The following FAS variants were observed in gnomAD, a reference collection of about 807,000 sequenced individuals.
FAS encodes the protein Fas cell surface death receptor.
A neutral mutation model predicts 33.2 loss-of-function variants in FAS; 5 were observed. The observed-to-expected ratio is 0.15, with a 90% CI of 0.08 to 0.32. The LOEUF (loss-of-function observed/expected upper bound fraction) is 0.32, where lower values mean the gene tolerates loss of function less well. Ranked by LOEUF, FAS falls within the 10% of genes least tolerant of loss-of-function variation. FAS has a pLI of 1.00. For missense variants in FAS, 339 were observed against 386.0 expected (o/e 0.88, Z 1.02); for synonymous variants, 131 against 130.7 (o/e 1.00, Z -0.01).
chr10:89,000,155 C>T (rs1252775689), intron 1 of FAS, among the ~76,000 whole-genome samples: 3 of 151,952 alleles, frequency 2.0e-5, no homozygotes, highest in South Asian at 2.1e-4. Flanking sequence ...AAAATATATC[C>T]GATGAAACAG....
intron 2 of FAS, among the ~76,000 whole-genome samples, chr10:88,976,041 T>A (rs1846554856): frequency 1.3e-5 from 2 of 152,190 alleles, no homozygotes; most frequent in Admixed American, 1.3e-4. Context: ...CCCATCCCGA[T>A]TAGGACCCAA....
upstream of FAS, among the ~76,000 whole-genome samples, chr10:88,989,021 C>T (rs146658156): frequency 6.6e-6 from 1 of 152,128 alleles, no homozygotes; most frequent in Admixed American, 6.5e-5. Context: ...AGAGCAGGAC[C>T]TTGGGAGCAA....
chr10:88,988,416 G>GTTTTTTTTTTTT (rs748275082), upstream of FAS, among the ~76,000 whole-genome samples: 1 of 12,482 alleles, frequency 8.0e-5, no homozygotes, highest in Non-Finnish European at 1.3e-4. Flanking sequence ...AGATGTAGAA[G>GTTTTTTTTTTTT]TTTTTTTTTT....
chr10:88,968,777 T>G (rs1020510227), intron 1 of FAS, among the ~76,000 whole-genome samples: 1 of 152,220 alleles, frequency 6.6e-6, no homozygotes, highest in African/African-American at 2.4e-5. Context: ...TAGGCATTTC[T>G]GTCCTCTTTT....
intron 2 of FAS, among the ~76,000 whole-genome samples, chr10:89,006,522 A>C: frequency 6.6e-6 from 1 of 152,238 alleles, no homozygotes. Context: ...TAAACTGCTT[A>C]TATTTTTAAA....
rs778357057 is a variant in FAS at position 88,990,953 on chromosome 10, G to A, written c.30+47G>A. On this transcript the variant is annotated intron_variant, in intron 1 of 8. Transcript: ENST00000652046. The surrounding 1 kb of genome is among the most constrained non-coding windows in gnomAD (Gnocchi z 4.9). ...TGGAGGCTTACCCCGTCTTAGTCCC[G>A]GGGATAGGCAAAGTGGGGCGGGCGC... 1.2e-6 allele frequency: 2 copies of A among 1,613,514 alleles called. No individual in the cohort carries two copies. The highest frequency in any genetic ancestry group is 1.7e-5 in the Admixed American group (1 of 59,992).
chr10:89,015,715 A>AT lies in FAS; in HGVS notation c.*1272dup, dbSNP rs748741856. 22 of 498,944 alleles carry AT rather than the reference A, an allele frequency of 4.4e-5. No individual in the cohort carries two copies. The highest frequency in any genetic ancestry group is 9.4e-5 in the Admixed American group (4 of 42,680). The allele number at this position is 498,944 out of a possible 1,614,324, so 30.9% of individuals were successfully genotyped here. A position where few individuals can be genotyped will look rare whatever the true frequency, so the allele number is the denominator to read the frequency against. ...CCTAAAGAACTTCCATTTATGGAGG[A>AT]TTTTTTTGCCCCTTGTGTTTGGAAT... On this transcript the variant is annotated 3_prime_UTR_variant, in exon 9 of 9. Coordinates refer to ENST00000652046, the MANE Select transcript of FAS (RefSeq NM_000043.6).
At chr10:89,013,467 G>A in intron 8 of FAS, 100 bp downstream of exon 8, 1 of 1,154,866 alleles carries the variant, frequency 8.7e-7, no homozygotes, top group East Asian at 2.4e-5. Flanking sequence ...GACATATTAT[G>A]GGATCTTGTT....
chr10:88,981,684 G>T (rs1846715082), intron 2 of FAS, among the ~76,000 whole-genome samples: 2 of 152,158 alleles, frequency 1.3e-5, no homozygotes, highest in Admixed American at 1.3e-4. Flanking sequence ...CTGTAGGGAG[G>T]GAGAGAGAGG....
intron 1 of FAS, among the ~76,000 whole-genome samples, chr10:88,996,849 C>G (rs992302514): frequency 2.0e-5 from 3 of 152,180 alleles, no homozygotes; most frequent in African/African-American, 7.2e-5. Context: ...TCCCAAGCCC[C>G]TCCCTCTCTC....
At position 89,013,393 on chromosome 10, in the gene FAS, T is replaced by C. The variant is rs898525325; in HGVS notation, c.676+26T>C. 4.4e-6 allele frequency: 7 copies of C among 1,608,914 alleles called. No homozygotes were observed. In the African/African-American group the frequency reaches 6.7e-5, roughly 15 times the overall value. ...GTAAGGCTTTTATCATTTTATTTCA[T>C]AGAGATGGCATCCTTTAGAGTAATA... On this transcript the variant is annotated intron_variant, in intron 8 of 8. Coordinates refer to ENST00000652046, the MANE Select transcript of FAS (RefSeq NM_000043.6).
chr10:89,003,278 C>T lies in FAS; in HGVS notation c.196+84C>T. The T allele has an allele frequency of 2.6e-6, 4 of 1,510,930 alleles. No individual in the cohort carries two copies. The South Asian group carries it at 4.7e-5, about 18-fold the overall frequency. 93.6% of individuals were successfully genotyped at this position (1,510,930 alleles called of 1,614,324 possible). On this transcript the variant is annotated intron_variant, in intron 2 of 8. Coordinates refer to ENST00000652046, the MANE Select transcript of FAS (RefSeq NM_000043.6). ...AGTAATCATGACTATAATAATTTTA[C>T]AGTTTTTGGTTCCCCTATATTATAT...
intron 2 of FAS, among the ~76,000 whole-genome samples, chr10:88,976,183 C>T (rs1846558437): frequency 6.6e-6 from 1 of 151,100 alleles, no homozygotes. Context: ...AATACACTAA[C>T]ACTAACTATA....
upstream of FAS, chr10:88,990,494 A>AACCCTGACTCCTTCCTC (rs1182393964): frequency 1.8e-6 from 1 of 570,794 alleles, no homozygotes; most frequent in South Asian, 1.5e-5. This position sits in a 1 kb window ranked among gnomAD's most constrained non-coding sequence, Gnocchi z 4.9. Context: ...TTGTGCAACG[A>AACCCTGACTCCTTCCTC]ACCCTGACTC....
At chr10:88,970,622 T>A (rs2133321014) in intron 1 of FAS, among the ~76,000 whole-genome samples, 1 of 152,254 alleles carries the variant, frequency 6.6e-6, no homozygotes, top group East Asian at 1.9e-4. Context: ...AATTCCCCAT[T>A]TATCCTTACA....
chr10:88,984,645 T>C (rs1471246009), upstream of FAS, among the ~76,000 whole-genome samples: 2 of 151,736 alleles, frequency 1.3e-5, no homozygotes, highest in African/African-American at 2.4e-5. Flanking sequence ...ATGTGGTCCA[T>C]GCTCTCTGAG....
upstream of FAS, among the ~76,000 whole-genome samples, chr10:88,984,533 T>A (rs1429250634): frequency 6.6e-6 from 1 of 152,238 alleles, no homozygotes; most frequent in Non-Finnish European, 1.5e-5. Flanking sequence ...ATGCATCTAT[T>A]TGCTATATGA....
chr10:89,014,151 G>T lies in FAS; in HGVS notation c.709G>T (p.Ala237Ser). 1 of 1,613,728 alleles carries T rather than the reference G, an allele frequency of 6.2e-7. No homozygotes were observed. The highest frequency in any genetic ancestry group is 8.5e-7 in the Non-Finnish European group (1 of 1,179,876). The change falls in exon 9 of 9, where the codon GCT becomes TCT. Residue 237 changes from alanine (A) to serine (S), a missense_variant. This residue lies in a region of FAS where 276 missense variants were observed against 300.1 expected (regional missense o/e 0.92). Transcript: ENST00000652046. ...CTTGAGTAAATATATCACCACTATT[G>T]CTGGAGTCATGACACTAAGTCAAGT... is the stretch of plus-strand genomic sequence containing the variant. ...VDLSKYITTI[A>S]GVMTLSQVKG...
rs763022616 is a variant in FAS, at chr10:89,003,201, T to TA, written c.196+8dup. On this transcript the variant is annotated splice_region_variant and intron_variant, in intron 2 of 8. Transcript: ENST00000652046. ...CATAAGCCCTGTCCTCCAGGTATGT[T>TA]ACACAAAACATCCAGAGATTACAGT... 7.4e-6 allele frequency: 12 copies of TA among 1,614,032 alleles called. No individual in the cohort carries two copies. In the African/African-American group the frequency reaches 1.6e-4, roughly 22 times the overall value.
Sources: allele counts gnomAD v4.1 joint callset (sites outside exome capture counted in the v4.1 genomes callset), GRCh38; gene constraint gnomAD v4.1.1; regional missense constraint gnomAD v4.1.1; non-coding constraint Gnocchi (gnomAD v3.1); transcripts MANE v1.5; gene names NCBI Gene and HGNC (gene_info 2026-07-23, HGNC 2026-07-21).